Variants in JADE2 observed in about 807,000 individuals in gnomAD.
The protein encoded by JADE2 is jade family PHD finger 2.
In JADE2, 13 loss-of-function variants were observed where a neutral mutation model predicts 85.7. The observed-to-expected ratio is 0.15, with a 90% CI of 0.10 to 0.24. The LOEUF (loss-of-function observed/expected upper bound fraction) is 0.24. JADE2 is among the 10% of genes least tolerant of loss of function. The pLI is 1.00. For synonymous variants in JADE2, 440 were observed against 456.1 expected (o/e 0.96, Z 0.45); for missense variants, 846 against 1,115.9 (o/e 0.76, Z 3.45).
chr5:134,538,059 A>G lies in JADE2; in HGVS notation c.129A>G (p.Arg43=). 6.2e-7 allele frequency: 1 copy of G among 1,614,116 alleles called. No individual in the cohort carries two copies. Among genetic ancestry groups the G allele is most frequent in the Non-Finnish European group, 8.5e-7 (1 of 1,179,982 alleles). ...GCAGCACCAAGTCGGGCTGGCCCCGACAGAACGAAAAGAAGCCCTCCGAGG... is the reference window on the plus strand; with the variant it reads ...GCAGCACCAAGTCGGGCTGGCCCCGGCAGAACGAAAAGAAGCCCTCCGAGG... ...LPSSTKSGWP[R]QNEKKPSEVF... Residue 43 remains arginine (R), a synonymous_variant, in exon 3 of 12, where the codon CGA becomes CGG. Coordinates refer to ENST00000681547, the MANE Select transcript of JADE2 (RefSeq NM_001388185.1).
At chr5:134,532,904 C>T (rs1039346711) in intron 1 of JADE2, among the ~76,000 whole-genome samples, 1 of 152,204 alleles carries the variant, frequency 6.6e-6, no homozygotes, top group African/African-American at 2.4e-5. Flanking sequence ...GCTGCACTCA[C>T]AAAACAGTGG....
rs1366165504 is a variant in JADE2 at position 134,580,385 on chromosome 5, A to ATG, written c.*1070_*1071dup. On this transcript the variant is annotated 3_prime_UTR_variant, in exon 12 of 12. Transcript: ENST00000681547. ...CTGGGGCTGTTGTAAGTCTTGCTGG[A>ATG]TGTTCCCCTGTTCCTGAGCCTTAAC... 2.0e-5 allele frequency: 3 copies of ATG among 149,142 alleles called. No individual in the cohort carries two copies. Among genetic ancestry groups the ATG allele is most frequent in the African/African-American group, 7.5e-5 (3 of 40,230 alleles). The allele number at this position is 149,142 out of a possible 1,614,324, so 9.2% of individuals were successfully genotyped here.
chr5:134,539,043 TTTTATTTATTTATTTATTTA>T (rs58839611), intron 3 of JADE2, among the ~76,000 whole-genome samples: 1 of 134,378 alleles, frequency 7.4e-6, no homozygotes, highest in African/African-American at 2.8e-5. Flanking sequence ...TTTATTTTTA[TTTTATTTATTTATTTATTTA>T]TTTATTTATT....
intron 3 of JADE2, among the ~76,000 whole-genome samples, chr5:134,549,487 C>T (rs1037816484): frequency 7.2e-5 from 11 of 152,070 alleles, no homozygotes; most frequent in African/African-American, 2.4e-4. Context: ...ATGGTGAAAC[C>T]CCGTATTAAA....
intron 1 of JADE2, among the ~76,000 whole-genome samples, chr5:134,530,061 C>T (rs969349550): frequency 3.3e-5 from 5 of 152,226 alleles, no homozygotes; most frequent in Non-Finnish European, 7.3e-5. Flanking sequence ...GGCAGCAGCC[C>T]TCTACTCTGT....
At position 134,536,712 on chromosome 5, in the gene JADE2, G is replaced by A. The variant is rs552376581; in HGVS notation, c.58+797G>A. The A allele has an allele frequency of 2.6e-5, 4 of 152,472 alleles. No homozygotes were observed. The South Asian group carries it at 8.3e-4, about 32-fold the overall frequency. 9.4% of individuals were successfully genotyped at this position (152,472 alleles called of 1,614,324 possible). A position where few individuals can be genotyped will look rare whatever the true frequency, so the allele number is the denominator to read the frequency against. On this transcript the variant is annotated intron_variant, in intron 2 of 11. Transcript: ENST00000681547. Reference sequence around the variant, plus strand: ...TCCATCTGCTGTGGGTAGGAGAGTTGTGCTGCCAGGAAGATCTCACCTAGC... The same window carrying A: ...TCCATCTGCTGTGGGTAGGAGAGTTATGCTGCCAGGAAGATCTCACCTAGC...
At position 134,562,800 on chromosome 5, in the gene JADE2, A is replaced by G. The variant is rs1763406449; in HGVS notation, c.852+433A>G. Among the ~76,000 whole-genome samples, 1 of 152,018 alleles carries G rather than the reference A, an allele frequency of 6.6e-6. No homozygotes were observed. Among genetic ancestry groups the G allele is most frequent in the African/African-American group, 2.4e-5 (1 of 41,384 alleles). ...AAAACAAAGCACACACTGGGATCTC[A>G]GGTGATGGGCCAGCAAAGAATCCAG... On this transcript the variant is annotated intron_variant, in intron 7 of 11. Coordinates refer to ENST00000681547, the MANE Select transcript of JADE2 (RefSeq NM_001388185.1). This position sits in a 1 kb window ranked among gnomAD's most constrained non-coding sequence, Gnocchi z 4.6.
chr5:134,581,813 G>A lies in JADE2; in HGVS notation c.*2496G>A, dbSNP rs1455751762. The stretch of plus-strand genomic sequence containing the variant: ...CCTTTCACTCCCAGGCCAAGCCCTG[G>A]AGCAATCTTCTTCAGGCAGCTGTCT... On this transcript the variant is annotated 3_prime_UTR_variant, in exon 12 of 12. Coordinates refer to ENST00000681547, the MANE Select transcript of JADE2 (RefSeq NM_001388185.1). 6.6e-6 allele frequency: 1 copy of A among 152,398 alleles called. No individual in the cohort carries two copies. Among genetic ancestry groups the A allele is most frequent in the Non-Finnish European group, 1.5e-5 (1 of 68,222 alleles). 9.4% of individuals were successfully genotyped at this position (152,398 alleles called of 1,614,324 possible).
At chr5:134,529,398 G>A (rs1327578961) in intron 1 of JADE2, among the ~76,000 whole-genome samples, 1 of 152,168 alleles carries the variant, frequency 6.6e-6, no homozygotes. Context: ...GTACACTTCA[G>A]CCCACTGGAG....
At chr5:134,570,987 G>A (rs762291205) in intron 9 of JADE2, among the ~76,000 whole-genome samples, 1 of 152,262 alleles carries the variant, frequency 6.6e-6, no homozygotes, top group Admixed American at 6.5e-5. Flanking sequence ...GCTGGATGGT[G>A]AGATTTATCC....
At chr5:134,552,235 G>A (rs1294473913) in intron 4 of JADE2, 26 bp downstream of exon 4, 8 of 1,604,456 alleles carry the variant, frequency 5.0e-6, no homozygotes, top group Admixed American at 1.7e-5. Context: ...CAGGCTAGGG[G>A]GCCATTGGGA....
chr5:134,566,073 C>T lies in JADE2; in HGVS notation c.970-43C>T. 6.5e-7 allele frequency: 1 copy of T among 1,540,110 alleles called. No individual in the cohort carries two copies. The highest frequency in any genetic ancestry group is 8.9e-7 in the Non-Finnish European group (1 of 1,124,306). On this transcript the variant is annotated intron_variant, in intron 8 of 11. Coordinates refer to ENST00000681547, the MANE Select transcript of JADE2 (RefSeq NM_001388185.1). This position sits in a 1 kb window ranked among gnomAD's most constrained non-coding sequence, Gnocchi z 6.7. Reference sequence around the variant, plus strand: ...GCCCCTCTGTCTTCTCCCCTCCCACCAGGCTCCCTCCATGTCTGATCCTGC... The same window carrying T: ...GCCCCTCTGTCTTCTCCCCTCCCACTAGGCTCCCTCCATGTCTGATCCTGC...
At chr5:134,573,856 G>A (rs1764195872) in intron 10 of JADE2, 94 bp downstream of exon 10, 2 of 852,486 alleles carry the variant, frequency 2.3e-6, no homozygotes, top group East Asian at 4.8e-5. Flanking sequence ...TCCTGGTGGG[G>A]GTATGTGCGT....
intron 4 of JADE2, among the ~76,000 whole-genome samples, chr5:134,552,987 C>CTTTTTTTTTTTT: frequency 1.6e-5 from 1 of 62,392 alleles, no homozygotes; most frequent in Non-Finnish European, 2.7e-5. Flanking sequence ...TGGGCCTGGC[C>CTTTTTTTTTTTT]TTTTTTTTTT....
intron 4 of JADE2, among the ~76,000 whole-genome samples, chr5:134,557,076 C>T (rs1762996944): frequency 7.5e-6 from 1 of 133,882 alleles, no homozygotes; most frequent in African/African-American, 2.9e-5. Flanking sequence ...AACACACACA[C>T]ACCACACAAA....
At chr5:134,575,001 C>T (rs1352380628) in intron 10 of JADE2, 1 of 152,276 alleles carries the variant, frequency 6.6e-6, no homozygotes, top group Non-Finnish European at 1.5e-5. Context: ...AAGGAGAAGC[C>T]CATGCAAGGC....
At chr5:134,546,767 CA>C (rs11340279) in intron 3 of JADE2, among the ~76,000 whole-genome samples, 27,696 of 134,524 alleles carry the variant, frequency 0.21, 2,717 homozygotes, top group East Asian at 0.41. Context: ...GACACCGTCT[CA>C]AAAAAAAAAA....
intron 2 of JADE2, chr5:134,536,805 C>G (rs1449360564): frequency 6.6e-6 from 1 of 152,266 alleles, no homozygotes; most frequent in African/African-American, 2.4e-5. Context: ...GGGCTTGGAG[C>G]TGTGCAACTC....
At position 134,578,380 on chromosome 5, in the gene JADE2, CAG is replaced by C. The variant is rs1245025844; in HGVS notation, c.1682-113_1682-112del. On this transcript the variant is annotated intron_variant, in intron 11 of 11. Transcript: ENST00000681547. The surrounding 1 kb of genome is among the most constrained non-coding windows in gnomAD (Gnocchi z 4.4). Reference sequence around the variant, plus strand: ...CAAGATAGCTCACCTGGGTCTGGCACAGGGGGACAGAGAGAAGACGATGCCTG... The same window carrying C: ...CAAGATAGCTCACCTGGGTCTGGCACGGGGACAGAGAGAAGACGATGCCTG... 1.9e-5 allele frequency: 15 copies of C among 800,728 alleles called. No homozygotes were observed. Among genetic ancestry groups the C allele is most frequent in the South Asian group, 6.8e-5 (4 of 58,970 alleles). The allele number at this position is 800,728 out of a possible 1,614,324, so 49.6% of individuals were successfully genotyped here.
Sources: gnomAD v4.1 joint callset for allele counts (sites outside exome capture counted in the v4.1 genomes callset) on GRCh38, gnomAD v4.1.1 for gene constraint, Gnocchi (gnomAD v3.1) non-coding constraint, MANE v1.5 for transcripts, NCBI Gene and HGNC (gene_info 2026-07-23, HGNC 2026-07-21) for gene names.